NCAM2: variants seen among roughly 807,000 people sequenced by gnomAD.
NCAM2 encodes the protein neural cell adhesion molecule 2.
NCAM2 carries 30 observed loss-of-function variants against 98.1 expected under a neutral mutation model. The observed-to-expected ratio is 0.31, with a 90% confidence interval of 0.23 to 0.41. The LOEUF (loss-of-function observed/expected upper bound fraction) is 0.41, where lower values mean the gene tolerates loss of function less well. NCAM2 is among the 10% of genes least tolerant of loss of function. NCAM2 has a pLI of 1.00. For synonymous variants in NCAM2, 368 were observed against 342.4 expected (o/e 1.07, Z -0.83); for missense variants, 867 against 1,005.8 (o/e 0.86, Z 1.87).
At chr21:21,033,561 C>A (rs964501878) in intron 1 of NCAM2, among the ~76,000 whole-genome samples, 3 of 151,918 alleles carry the variant, frequency 2.0e-5, no homozygotes, top group East Asian at 1.9e-4. Flanking sequence ...AAATAAATGA[C>A]CTCCCCCCCA....
At chr21:21,270,422 A>G (rs1162999988) in intron 1 of NCAM2, among the ~76,000 whole-genome samples, 1 of 152,148 alleles carries the variant, frequency 6.6e-6, no homozygotes, top group African/African-American at 2.4e-5. Context: ...ATTTACATTA[A>G]ATGATATAAG....
At chr21:21,049,148 AG>A (rs58971349) in intron 1 of NCAM2, among the ~76,000 whole-genome samples, 139,176 of 139,180 alleles carry the variant, frequency 1, 69,586 homozygotes, top group Non-Finnish European at 1. Flanking sequence ...CCTCCCGAGT[AG>A]GCTGGGACTA....
At chr21:21,210,407 A>G in intron 1 of NCAM2, 1 of 544,812 alleles carries the variant, frequency 1.8e-6, no homozygotes, top group African/African-American at 2.1e-5. Context: ...TTATTTAACA[A>G]TTTTCAAAAT....
intron 1 of NCAM2, among the ~76,000 whole-genome samples, chr21:21,164,027 A>T (rs2067874587): frequency 1.3e-5 from 2 of 152,154 alleles, no homozygotes; most frequent in Admixed American, 1.3e-4. Flanking sequence ...GTGTACTTGG[A>T]AGTCTCAACC....
intron 1 of NCAM2, among the ~76,000 whole-genome samples, chr21:21,162,036 A>G (rs1372428307): frequency 6.6e-6 from 1 of 152,104 alleles, no homozygotes; most frequent in Non-Finnish European, 1.5e-5. Flanking sequence ...TTTTTGACAA[A>G]AGGGATTCTA....
At chr21:21,243,399 G>A (rs781740732) in intron 1 of NCAM2, among the ~76,000 whole-genome samples, 3 of 152,204 alleles carry the variant, frequency 2.0e-5, no homozygotes, top group Non-Finnish European at 4.4e-5. Flanking sequence ...CAGAGGTTCA[G>A]TTATTACTGA....
At chr21:21,171,355 A>G (rs1347060507) in intron 1 of NCAM2, among the ~76,000 whole-genome samples, 1 of 152,254 alleles carries the variant, frequency 6.6e-6, no homozygotes, top group Non-Finnish European at 1.5e-5. Context: ...CACTGATAGT[A>G]AGAGGATTTG....
At chr21:21,300,785 A>C (rs2073684340) in intron 5 of NCAM2, among the ~76,000 whole-genome samples, 2 of 133,768 alleles carry the variant, frequency 1.5e-5, no homozygotes, top group Admixed American at 1.5e-4. Context: ...ATTATTACTT[A>C]GTTTTTTTCT....
chr21:21,448,945 T>C (rs2146117353), intron 12 of NCAM2, among the ~76,000 whole-genome samples: 1 of 152,184 alleles, frequency 6.6e-6, no homozygotes, highest in South Asian at 2.1e-4. Flanking sequence ...TAAATTAGGA[T>C]GTTGTATGTA....
At chr21:21,009,165 T>C (rs2064161899) in intron 1 of NCAM2, among the ~76,000 whole-genome samples, 1 of 152,170 alleles carries the variant, frequency 6.6e-6, no homozygotes, top group South Asian at 2.1e-4. Context: ...TGAATGCATA[T>C]TTAAATATTA....
rs116814200 is a variant in NCAM2 at position 21,175,259 on chromosome 21, G to A, written c.56-105319G>A. Among the ~76,000 whole-genome samples, 297 of 152,254 alleles carry A rather than the reference G, an allele frequency of 2.0e-3. 1 individual carries two copies. Among genetic ancestry groups the A allele is most frequent in the African/African-American group, 6.9e-3 (288 of 41,538 alleles). ...CTTGAAAAACTAGGGTGGTGGCCGG[G>A]TACCGTGGCTCACGCCTGTAATTCC... On this transcript the variant is annotated intron_variant, in intron 1 of 17. Transcript: ENST00000400546.
rs76914508 is a variant in NCAM2, at chr21:21,011,589, T to G, written c.55+12971T>G. 9.5e-3 allele frequency among the ~76,000 whole-genome samples: 1,446 copies of G among 152,204 alleles called. 20 individuals carry two copies. Among genetic ancestry groups the G allele is most frequent in the African/African-American group, 0.032 (1,329 of 41,540 alleles). On this transcript the variant is annotated intron_variant, in intron 1 of 17. Transcript: ENST00000400546. ...TTATTTCTGTTGTTGTTAGAACATC[T>G]AAGATCTAGTCTCTTAGCAATGTCC...
chr21:21,101,921 C>T (rs2066249970), intron 1 of NCAM2, among the ~76,000 whole-genome samples: 1 of 152,050 alleles, frequency 6.6e-6, no homozygotes, highest in Non-Finnish European at 1.5e-5. Flanking sequence ...TTCCAGCTCT[C>T]ACTGTCTTTG....
intron 9 of NCAM2, among the ~76,000 whole-genome samples, chr21:21,396,816 A>ACATCACGC (rs1321722798): frequency 6.6e-6 from 1 of 152,224 alleles, no homozygotes; most frequent in Admixed American, 6.5e-5. Flanking sequence ...AGATGGTGTT[A>ACATCACGC]CATCACGCCA....
At chr21:21,134,582 T>TATCA (rs1370599040) in intron 1 of NCAM2, among the ~76,000 whole-genome samples, 1 of 152,242 alleles carries the variant, frequency 6.6e-6, no homozygotes, top group Non-Finnish European at 1.5e-5. Context: ...TAAAACTGTC[T>TATCA]ATCATTTTCA....
chr21:21,063,322 G>A (rs934909455), intron 1 of NCAM2, among the ~76,000 whole-genome samples: 1 of 141,434 alleles, frequency 7.1e-6, no homozygotes, highest in Non-Finnish European at 1.5e-5. Context: ...GGGTTCAAGT[G>A]ATTCTCTTGC....
At chr21:21,450,582 A>T (rs879078549) in intron 12 of NCAM2, among the ~76,000 whole-genome samples, 1 of 151,930 alleles carries the variant, frequency 6.6e-6, no homozygotes, top group South Asian at 2.1e-4. Flanking sequence ...CTCTTGCCTC[A>T]GCCTCCCAAA....
chr21:21,216,306 G>A (rs1403817833), intron 1 of NCAM2, among the ~76,000 whole-genome samples: 1 of 152,164 alleles, frequency 6.6e-6, no homozygotes, highest in African/African-American at 2.4e-5. Flanking sequence ...GGAGTATGTG[G>A]GGGAAGGGTG....
intron 1 of NCAM2, among the ~76,000 whole-genome samples, chr21:21,180,001 C>T (rs2068417609): frequency 6.6e-6 from 1 of 152,186 alleles, no homozygotes; most frequent in African/African-American, 2.4e-5. Flanking sequence ...CCCAAATGGC[C>T]TCCCTGAAAT....
Sources: allele counts gnomAD v4.1 joint callset (sites outside exome capture counted in the v4.1 genomes callset), GRCh38; gene constraint gnomAD v4.1.1; transcripts MANE v1.5; gene names NCBI Gene and HGNC (gene_info 2026-07-23, HGNC 2026-07-21).